The following CALN1 variants were observed in gnomAD, a reference collection of about 807,000 sequenced individuals.
CALN1 encodes calcium-binding protein 8.
In CALN1, 17 loss-of-function variants were observed where a neutral mutation model predicts 30.6. That is an observed-to-expected ratio of 0.56 (90% CI 0.38 to 0.83). The LOEUF is 0.83. Ranked by LOEUF, CALN1 falls within the 40% of genes least tolerant of loss-of-function variation. The probability of loss-of-function intolerance (pLI) is 0.00; values close to 1 mark genes in which losing one functional copy is unlikely to be tolerated. For missense variants in CALN1, 291 were observed against 354.9 expected (o/e 0.82, Z 1.45); for synonymous variants, 156 against 131.4 (o/e 1.19, Z -1.28).
chr7:72,295,554 A>C (rs939720249), intron 2 of CALN1, among the ~76,000 whole-genome samples: 1 of 147,330 alleles, frequency 6.8e-6, no homozygotes, highest in Non-Finnish European at 1.5e-5. Flanking sequence ...AGTGGTTTGT[A>C]GTTCTCCTTG....
At position 71,944,888 on chromosome 7, in the gene CALN1, CATGT is replaced by C. The variant is rs1796328846; in HGVS notation, c.501+78765_501+78768del. On this transcript the variant is annotated intron_variant, in intron 5 of 6. Coordinates refer to ENST00000395275, the MANE Select transcript of CALN1 (RefSeq NM_031468.4). ...AAGAGTTAGGAGGCAGGAGAAAACA[CATGT>C]ACGTCTTTCCCTAGAGGTGACTACA... Among the ~76,000 whole-genome samples the C allele has an allele frequency of 2.0e-5, 3 of 152,268 alleles. No homozygotes were observed. The South Asian group carries it at 6.2e-4, about 32-fold the overall frequency.
At chr7:72,289,013 T>A (rs1798291418) in intron 2 of CALN1, among the ~76,000 whole-genome samples, 2 of 152,206 alleles carry the variant, frequency 1.3e-5, no homozygotes, top group Admixed American at 1.3e-4. Context: ...ATGGCAAGCT[T>A]TCTAAGTCTT....
chr7:72,267,995 A>G (rs1180579912), intron 3 of CALN1, among the ~76,000 whole-genome samples: 1 of 152,210 alleles, frequency 6.6e-6, no homozygotes, highest in African/African-American at 2.4e-5. Context: ...CAACAGAATG[A>G]CAGTCTGTCT....
chr7:71,884,157 T>C (rs35066942), intron 5 of CALN1, among the ~76,000 whole-genome samples: 19,100 of 151,988 alleles, frequency 0.13, 1,779 homozygotes, highest in East Asian at 0.44. Context: ...TCATGATCTG[T>C]CCCCCTCGGC....
intron 3 of CALN1, among the ~76,000 whole-genome samples, chr7:72,193,837 T>A (rs2129546994): frequency 6.6e-6 from 1 of 152,336 alleles, no homozygotes; most frequent in Middle Eastern, 3.4e-3. Context: ...GAGACCATTA[T>A]TCTAAGTGAA....
intron 5 of CALN1, among the ~76,000 whole-genome samples, chr7:71,993,411 A>T (rs1224031241): frequency 6.7e-6 from 1 of 150,044 alleles, no homozygotes; most frequent in Non-Finnish European, 1.5e-5. Flanking sequence ...GGCTGCAGTG[A>T]GCTATGATTG....
chr7:72,175,996 C>CA (rs906480872), intron 3 of CALN1, among the ~76,000 whole-genome samples: 7 of 151,340 alleles, frequency 4.6e-5, no homozygotes, highest in East Asian at 1.9e-4. Context: ...CCTGCAACTG[C>CA]AAAAAAAATG....
chr7:72,193,832 C>G (rs918100088), intron 3 of CALN1, among the ~76,000 whole-genome samples: 1 of 151,866 alleles, frequency 6.6e-6, no homozygotes, highest in African/African-American at 2.4e-5. Context: ...AATTGGAGAC[C>G]ATTATTCTAA....
chr7:72,065,113 G>GTTAATA (rs1803928981), intron 4 of CALN1, among the ~76,000 whole-genome samples: 3 of 145,018 alleles, frequency 2.1e-5, no homozygotes, highest in East Asian at 2.0e-4. Context: ...ATATATTTAT[G>GTTAATA]TTAATATATG....
intron 6 of CALN1, among the ~76,000 whole-genome samples, chr7:71,801,428 G>GTATGTATGTATCTATCTATCTATCTATC (rs1461292230): frequency 2.3e-5 from 2 of 87,728 alleles, no homozygotes; most frequent in Non-Finnish European, 4.5e-5. Context: ...ATGTATGTAT[G>GTATGTATGTATCTATCTATCTATCTATC]TATCTATCTA....
intron 1 of CALN1, among the ~76,000 whole-genome samples, chr7:72,442,155 C>T (rs987225130): frequency 3.9e-5 from 6 of 152,154 alleles, no homozygotes; most frequent in Non-Finnish European, 8.8e-5. Context: ...TCCATTGGTA[C>T]CCCACTGGCC....
intron 5 of CALN1, among the ~76,000 whole-genome samples, chr7:71,888,585 A>T (rs1023108215): frequency 1.9e-4 from 29 of 152,194 alleles, no homozygotes; most frequent in Middle Eastern, 3.2e-3. Context: ...TGATGTTGCT[A>T]ATTAGGACAG....
intron 2 of CALN1, among the ~76,000 whole-genome samples, chr7:72,289,494 T>TCA (rs1798326183): frequency 6.6e-6 from 1 of 152,188 alleles, no homozygotes; most frequent in Non-Finnish European, 1.5e-5. Flanking sequence ...GCACTTGGTC[T>TCA]CAAAAAGAAA....
chr7:72,207,474 T>C (rs1469462499), intron 3 of CALN1, among the ~76,000 whole-genome samples: 1 of 148,508 alleles, frequency 6.7e-6, no homozygotes, highest in Non-Finnish European at 1.5e-5. Context: ...TATTTAGTAG[T>C]AGTAGTAGTA....
At chr7:71,866,209 A>T (rs996794638) in intron 5 of CALN1, among the ~76,000 whole-genome samples, 3 of 151,762 alleles carry the variant, frequency 2.0e-5, no homozygotes, top group African/African-American at 7.3e-5. Context: ...GGGTTTCACC[A>T]TGTTAGCCAG....
intron 5 of CALN1, among the ~76,000 whole-genome samples, chr7:71,862,380 C>G (rs757804366): frequency 2.6e-5 from 4 of 152,190 alleles, no homozygotes; most frequent in African/African-American, 7.2e-5. Context: ...ATCATGGAGG[C>G]AGGTCTTTCC....
At chr7:72,222,889 T>C (rs1793408500) in intron 3 of CALN1, among the ~76,000 whole-genome samples, 1 of 152,102 alleles carries the variant, frequency 6.6e-6, no homozygotes, top group Middle Eastern at 3.4e-3. Flanking sequence ...GGCACGGTGG[T>C]GTGCACCTGT....
At chr7:72,321,069 G>T (rs1050977152) in intron 2 of CALN1, among the ~76,000 whole-genome samples, 2 of 152,170 alleles carry the variant, frequency 1.3e-5, no homozygotes, top group Non-Finnish European at 2.9e-5. Flanking sequence ...ACCATAAGCT[G>T]TAAGTATGCT....
intron 2 of CALN1, among the ~76,000 whole-genome samples, chr7:72,338,219 T>G (rs1214218084): frequency 6.6e-6 from 1 of 152,086 alleles, no homozygotes; most frequent in South Asian, 2.1e-4. Flanking sequence ...AGGCTAGTCC[T>G]TCCTTACAGC....
Sources: gnomAD v4.1 joint callset for allele counts (sites outside exome capture counted in the v4.1 genomes callset) on GRCh38, gnomAD v4.1.1 for gene constraint, MANE v1.5 for transcripts, NCBI Gene and HGNC (gene_info 2026-07-23, HGNC 2026-07-21) for gene names.